FAM184B: variants seen among roughly 807,000 people sequenced by gnomAD.
The protein encoded by FAM184B is protein FAM184B.
FAM184B carries 111 observed loss-of-function variants against 135.9 expected under a neutral mutation model. The observed-to-expected ratio is 0.82, with a 90% confidence interval of 0.70 to 0.96. The LOEUF (loss-of-function observed/expected upper bound fraction) is 0.96. FAM184B is among the 40% of genes least tolerant of loss of function. The pLI, the probability that FAM184B is intolerant of heterozygous loss-of-function variation, is 0.00. For missense variants in FAM184B, 1,375 were observed against 1,323.9 expected, an observed-to-expected ratio of 1.04 and a Z score of -0.60; for synonymous variants, 552 against 524.8, an observed-to-expected ratio of 1.05 and a Z score of -0.71.
At chr4:17,765,911 G>C (rs1371635711) in intron 1 of FAM184B, among the ~76,000 whole-genome samples, 1 of 152,088 alleles carries the variant, frequency 6.6e-6, no homozygotes, top group African/African-American at 2.4e-5. Context: ...TCGCGGTGGT[G>C]AGTGTTACAG....
At chr4:17,643,356 G>A (rs1342924903) in intron 12 of FAM184B, among the ~76,000 whole-genome samples, 1 of 152,078 alleles carries the variant, frequency 6.6e-6, no homozygotes, top group African/African-American at 2.4e-5. Flanking sequence ...TCTCCTCTCT[G>A]TGTGGGGTAT....
At chr4:17,648,814 G>C (rs1281673389) in intron 11 of FAM184B, among the ~76,000 whole-genome samples, 1 of 152,120 alleles carries the variant, frequency 6.6e-6, no homozygotes, top group Non-Finnish European at 1.5e-5. Flanking sequence ...ACTCAGGGGA[G>C]AGTAAGGCCA....
At chr4:17,633,576 T>C in intron 17 of FAM184B, 113 bp downstream of exon 17, 1 of 961,564 alleles carries the variant, frequency 1.0e-6, no homozygotes, top group Non-Finnish European at 1.5e-6. Flanking sequence ...TGTCTAATCA[T>C]CCATGAAAAA....
At position 17,717,040 on chromosome 4, in the gene FAM184B, A is replaced by G. The variant is rs978492494; in HGVS notation, c.142-7396T>C. On this transcript the variant is annotated intron_variant, in intron 1 of 17. Coordinates refer to ENST00000265018, the MANE Select transcript of FAM184B (RefSeq NM_015688.2). Reference sequence around the variant, plus strand: ...TGGCCAGGCTGGTCTAGATCTTCTGACTTCAGGTGATACACCTGCCTCAGC... The same window carrying G: ...TGGCCAGGCTGGTCTAGATCTTCTGGCTTCAGGTGATACACCTGCCTCAGC... Among the ~76,000 whole-genome samples the G allele has an allele frequency of 2.6e-5, 4 of 152,120 alleles. No individual in the cohort carries two copies. In the South Asian group the frequency reaches 8.3e-4, roughly 32 times the overall value.
At chr4:17,762,608 T>C (rs1368878772) in intron 1 of FAM184B, among the ~76,000 whole-genome samples, 2 of 152,176 alleles carry the variant, frequency 1.3e-5, no homozygotes, top group African/African-American at 2.4e-5. Flanking sequence ...CCAAAGCAAG[T>C]TGCAAAAAGA....
chr4:17,771,688 G>A (rs1214666679), intron 1 of FAM184B, among the ~76,000 whole-genome samples: 1 of 152,124 alleles, frequency 6.6e-6, no homozygotes, highest in Non-Finnish European at 1.5e-5. Flanking sequence ...TGTTGCTGAG[G>A]ACTCTCATGG....
chr4:17,740,351 C>CAA (rs55801096), intron 1 of FAM184B, among the ~76,000 whole-genome samples: 4,456 of 83,176 alleles, frequency 0.054, 421 homozygotes, highest in Non-Finnish European at 0.067. Context: ...GACCCTGTCT[C>CAA]AAAAAAAAAA....
intron 17 of FAM184B, chr4:17,633,012 T>G (rs1715010328): frequency 6.2e-6 from 1 of 161,704 alleles, no homozygotes; most frequent in East Asian, 1.7e-4. Context: ...ACCTCCAGCC[T>G]CCTGCGTTCA....
At chr4:17,675,289 C>T (rs1049891090) in intron 7 of FAM184B, among the ~76,000 whole-genome samples, 2 of 152,136 alleles carry the variant, frequency 1.3e-5, no homozygotes, top group African/African-American at 4.8e-5. Flanking sequence ...CCTTGTACCT[C>T]TTCATCAGTG....
intron 1 of FAM184B, among the ~76,000 whole-genome samples, chr4:17,780,384 A>G (rs897126007): frequency 3.9e-5 from 6 of 152,188 alleles, no homozygotes; most frequent in African/African-American, 1.4e-4. Context: ...TATAGGAGAC[A>G]GTGAGGGATG....
intron 5 of FAM184B, among the ~76,000 whole-genome samples, chr4:17,695,341 A>AT (rs78328424): frequency 6.6e-6 from 1 of 151,674 alleles, no homozygotes; most frequent in South Asian, 2.1e-4. Flanking sequence ...TTAAAAAAAA[A>AT]TTTTTTTAGA....
intron 1 of FAM184B, among the ~76,000 whole-genome samples, chr4:17,710,774 C>T (rs1330521690): frequency 6.6e-6 from 1 of 152,178 alleles, no homozygotes; most frequent in Non-Finnish European, 1.5e-5. Context: ...AGGATGTTGG[C>T]CTGAGCCACA....
At chr4:17,680,725 A>G (rs1716417705) in intron 7 of FAM184B, among the ~76,000 whole-genome samples, 1 of 152,150 alleles carries the variant, frequency 6.6e-6, no homozygotes, top group Non-Finnish European at 1.5e-5. Context: ...TCTCCTTTCC[A>G]AACCATCTAC....
intron 16 of FAM184B, chr4:17,634,211 A>T (rs1333551020): frequency 4.8e-6 from 1 of 208,716 alleles, no homozygotes; most frequent in Non-Finnish European, 9.4e-6. Context: ...AAATGCATTT[A>T]TTTAAATTTC....
intron 1 of FAM184B, among the ~76,000 whole-genome samples, chr4:17,771,702 C>G (rs565992161): frequency 6.6e-6 from 1 of 152,266 alleles, no homozygotes; most frequent in Admixed American, 6.5e-5. Context: ...CTCATGGCAA[C>G]AGGCATCACT....
At chr4:17,713,453 G>C (rs1338395285) in intron 1 of FAM184B, among the ~76,000 whole-genome samples, 1 of 152,182 alleles carries the variant, frequency 6.6e-6, no homozygotes, top group Non-Finnish European at 1.5e-5. Flanking sequence ...ACCTTCTAAT[G>C]ACTTCCATCC....
At chr4:17,632,940 G>A (rs1209547606) in intron 17 of FAM184B, 1 of 195,046 alleles carries the variant, frequency 5.1e-6, no homozygotes, top group Admixed American at 5.5e-5. Context: ...TTTATTTTTT[G>A]TGACAGAGTC....
At chr4:17,696,854 A>G (rs1716878077) in intron 5 of FAM184B, among the ~76,000 whole-genome samples, 2 of 152,066 alleles carry the variant, frequency 1.3e-5, no homozygotes, top group South Asian at 2.1e-4. Context: ...ATAAATAAAT[A>G]AATAGTAAAA....
At chr4:17,699,456 A>G (rs2108961497) in intron 5 of FAM184B, among the ~76,000 whole-genome samples, 1 of 152,262 alleles carries the variant, frequency 6.6e-6, no homozygotes, top group South Asian at 2.1e-4. Flanking sequence ...AAAGCAGCCG[A>G]TAAGAAGAAA....
Sources: gnomAD v4.1 joint callset for allele counts (sites outside exome capture counted in the v4.1 genomes callset) on GRCh38, gnomAD v4.1.1 for gene constraint, MANE v1.5 for transcripts, NCBI Gene and HGNC (gene_info 2026-07-23, HGNC 2026-07-21) for gene names.